PPP2R2C: variants seen among roughly 807,000 people sequenced by gnomAD.
PPP2R2C encodes the protein protein phosphatase 2, regulatory subunit B, gamma.
Under a neutral mutation model 45.3 loss-of-function variants are expected in PPP2R2C, and 10 were observed. That is an observed-to-expected ratio of 0.22 (90% CI 0.14 to 0.37). The LOEUF (loss-of-function observed/expected upper bound fraction) is 0.37, where lower values mean the gene tolerates loss of function less well. Among genes scored for constraint, PPP2R2C ranks in the 10% least tolerant of loss-of-function variants. The pLI is 1.00. For synonymous variants in PPP2R2C, 257 were observed against 245.4 expected (o/e 1.05, Z -0.44); for missense variants, 308 against 619.7 (o/e 0.50, Z 5.34).
At chr4:6,517,371 C>G (rs1445550729) in intron 2 of PPP2R2C, among the ~76,000 whole-genome samples, 3 of 152,134 alleles carry the variant, frequency 2.0e-5, no homozygotes, top group South Asian at 2.1e-4. Context: ...CTAGGAGAGC[C>G]CAGGCATGTT....
chr4:6,347,454 G>A (rs1712085736), intron 6 of PPP2R2C, among the ~76,000 whole-genome samples: 1 of 152,166 alleles, frequency 6.6e-6, no homozygotes, highest in Non-Finnish European at 1.5e-5. Context: ...TGCTGGGTGT[G>A]GCTAGTTTTG....
intron 1 of PPP2R2C, among the ~76,000 whole-genome samples, chr4:6,409,506 C>A (rs1478460744): frequency 6.6e-6 from 1 of 152,176 alleles, no homozygotes; most frequent in African/African-American, 2.4e-5. Flanking sequence ...TCTGGGGCTG[C>A]CCTGAGATGT....
chr4:6,369,229 C>T (rs1011195107), intron 5 of PPP2R2C, among the ~76,000 whole-genome samples: 7 of 152,208 alleles, frequency 4.6e-5, no homozygotes, highest in Non-Finnish European at 8.8e-5. Context: ...CACCAAGCCA[C>T]GTTTTAGGCA....
intron 1 of PPP2R2C, chr4:6,414,078 G>GTGTGTA: frequency 5.3e-6 from 1 of 190,272 alleles, no homozygotes; most frequent in Non-Finnish European, 7.4e-6. Flanking sequence ...GCCTGTGTAT[G>GTGTGTA]TGTGTGTGTG....
chr4:6,382,784 A>T, intron 1 of PPP2R2C: 1 of 837,778 alleles, frequency 1.2e-6, no homozygotes, highest in Non-Finnish European at 1.6e-6. Flanking sequence ...CCCACCTCTC[A>T]CTGGATGACT....
At chr4:6,413,267 A>G (rs1362939102) in intron 1 of PPP2R2C, among the ~76,000 whole-genome samples, 1 of 147,892 alleles carries the variant, frequency 6.8e-6, no homozygotes, top group African/African-American at 2.5e-5. Flanking sequence ...ACTCGCACAC[A>G]CATTGTCATG....
intron 8 of PPP2R2C, among the ~76,000 whole-genome samples, chr4:6,325,019 G>A (rs562002276): frequency 3.2e-4 from 49 of 152,316 alleles, no homozygotes; most frequent in Non-Finnish European, 1.8e-4. Context: ...ACTGCTCTGT[G>A]ACAGAACCAG....
chr4:6,449,340 C>G (rs1050276482), intron 1 of PPP2R2C, among the ~76,000 whole-genome samples: 1 of 152,210 alleles, frequency 6.6e-6, no homozygotes, highest in African/African-American at 2.4e-5. Context: ...AGAGAACAGG[C>G]GCGTCTCTAA....
intron 1 of PPP2R2C, among the ~76,000 whole-genome samples, chr4:6,548,560 A>G (rs1034971423): frequency 3.9e-5 from 6 of 152,240 alleles, no homozygotes; most frequent in Non-Finnish European, 8.8e-5. Flanking sequence ...GGGAGGTCAC[A>G]CTTGTTAAAG....
intron 2 of PPP2R2C, among the ~76,000 whole-genome samples, chr4:6,487,102 T>C (rs1308747344): frequency 6.6e-6 from 1 of 152,058 alleles, no homozygotes; most frequent in Non-Finnish European, 1.5e-5. Context: ...CAAATATAGA[T>C]TAAGATACTT....
intron 1 of PPP2R2C, chr4:6,382,406 G>A (rs1715868475): frequency 2.2e-6 from 3 of 1,351,492 alleles, no homozygotes; most frequent in Non-Finnish European, 2.9e-6. Context: ...ACTCCACAGG[G>A]TTCCCTGTCC....
At chr4:6,472,089 G>C in intron 1 of PPP2R2C, 71 bp downstream of exon 1, 1 of 1,597,808 alleles carries the variant, frequency 6.3e-7, no homozygotes, top group Non-Finnish European at 8.5e-7. Flanking sequence ...CAAACCTTCG[G>C]AGGGCATTCG....
At chr4:6,334,790 T>G (rs1264219160) in intron 6 of PPP2R2C, among the ~76,000 whole-genome samples, 1 of 152,200 alleles carries the variant, frequency 6.6e-6, no homozygotes, top group East Asian at 1.9e-4. Context: ...CAGCCTTGCC[T>G]GCTGGCCTGC....
rs138168144 is a variant in PPP2R2C at position 6,457,443 on chromosome 4, C to T, written c.70+14717G>A. ...CTGGAGTACAGTGGTGCAATCATAG[C>T]TCACTGCAGCCTCAACCTCCTGGGT... is the stretch of plus-strand genomic sequence containing the variant. On this transcript the variant is annotated intron_variant, in intron 1 of 8. Transcript: ENST00000382599. 7.9e-3 allele frequency among the ~76,000 whole-genome samples: 1,208 copies of T among 152,148 alleles called. 8 individuals carry two copies. Among genetic ancestry groups the T allele is most frequent in the Middle Eastern group, 0.027 (8 of 294 alleles).
At chr4:6,377,152 C>A (rs909318032) in intron 3 of PPP2R2C, among the ~76,000 whole-genome samples, 1 of 152,200 alleles carries the variant, frequency 6.6e-6, no homozygotes, top group Non-Finnish European at 1.5e-5. Context: ...TTCGGGAGAG[C>A]CTTGGAGGCC....
chr4:6,529,876 G>C (rs1246252702), intron 2 of PPP2R2C, among the ~76,000 whole-genome samples: 1 of 152,194 alleles, frequency 6.6e-6, no homozygotes, highest in East Asian at 1.9e-4. Context: ...ATTCCCCCAG[G>C]ATGACAATGG....
At chr4:6,529,846 G>A (rs1259411848) in intron 2 of PPP2R2C, among the ~76,000 whole-genome samples, 2 of 152,176 alleles carry the variant, frequency 1.3e-5, no homozygotes, top group Non-Finnish European at 2.9e-5. Flanking sequence ...CTCTGCTTGG[G>A]AAGGCCTCCC....
At chr4:6,389,628 C>T (rs559099613) in intron 1 of PPP2R2C, among the ~76,000 whole-genome samples, 6 of 152,284 alleles carry the variant, frequency 3.9e-5, no homozygotes, top group African/African-American at 1.4e-4. Flanking sequence ...CCCCTCCTCA[C>T]GGAGTCCAGG....
chr4:6,423,120 C>G (rs1719082857), intron 1 of PPP2R2C, among the ~76,000 whole-genome samples: 1 of 152,208 alleles, frequency 6.6e-6, no homozygotes, highest in Non-Finnish European at 1.5e-5. Context: ...CTGTTTCATT[C>G]CTTCAACAAA....
Sources: gnomAD v4.1 joint callset for allele counts (sites outside exome capture counted in the v4.1 genomes callset) on GRCh38, gnomAD v4.1.1 for gene constraint, MANE v1.5 for transcripts, NCBI Gene and HGNC (gene_info 2026-07-23, HGNC 2026-07-21) for gene names.